FGF14: variants seen among roughly 807,000 people sequenced by gnomAD.
FGF14 encodes the protein fibroblast growth factor 14, also known as fibroblast growth factor homologous factor 4.
Under a neutral mutation model 25.5 loss-of-function variants are expected in FGF14, and 5 were observed. The ratio of observed to expected loss-of-function variants is 0.20; its 90% CI spans 0.10 to 0.41. The LOEUF (loss-of-function observed/expected upper bound fraction) is 0.41, where lower values mean the gene tolerates loss of function less well. Ranked by LOEUF, FGF14 falls within the 10% of genes least tolerant of loss-of-function variation. The probability of loss-of-function intolerance (pLI) is 1.00; values close to 1 mark genes in which losing one functional copy is unlikely to be tolerated. For missense variants in FGF14, 222 were observed against 320.1 expected (o/e 0.69, Z 2.34); for synonymous variants, 138 against 118.3 (o/e 1.17, Z -1.08).
chr13:102,193,644 A>G (rs1321783425), intron 1 of FGF14, among the ~76,000 whole-genome samples: 2 of 152,208 alleles, frequency 1.3e-5, no homozygotes, highest in Admixed American at 1.3e-4. Context: ...TACTAAGGAA[A>G]TGCATGTCTA....
chr13:101,724,414 GGGGAACATCACACACACGGGCCTGTTGT>G, intron 4 of FGF14, among the ~76,000 whole-genome samples: 2 of 151,022 alleles, frequency 1.3e-5, no homozygotes, highest in African/African-American at 4.9e-5. Context: ...GACACAGGAA[GGGGAACATCACACACACGGGCCTGTTGT>G]GGGGTGGGGG....
intron 3 of FGF14, among the ~76,000 whole-genome samples, chr13:101,821,421 AATTT>A (rs1194129444): frequency 6.6e-6 from 1 of 152,114 alleles, no homozygotes; most frequent in Non-Finnish European, 1.5e-5. Flanking sequence ...AATATGTTGT[AATTT>A]ATTTATCCAT....
intron 1 of FGF14, among the ~76,000 whole-genome samples, chr13:102,313,437 C>T (rs370835838): frequency 1.3e-5 from 2 of 152,138 alleles, no homozygotes; most frequent in African/African-American, 2.4e-5. Context: ...AGGGCACTCT[C>T]GTCTCAGGGA....
At chr13:101,928,496 T>C (rs1263462407) in intron 1 of FGF14, among the ~76,000 whole-genome samples, 1 of 152,162 alleles carries the variant, frequency 6.6e-6, no homozygotes, top group Non-Finnish European at 1.5e-5. Context: ...TTCTCAATTT[T>C]ATTCGTTTAT....
intron 3 of FGF14, among the ~76,000 whole-genome samples, chr13:101,747,915 G>A (rs2036992776): frequency 6.6e-6 from 1 of 151,930 alleles, no homozygotes; most frequent in Non-Finnish European, 1.5e-5. Flanking sequence ...ACCACAATGA[G>A]ATATCATCTT....
intron 1 of FGF14, among the ~76,000 whole-genome samples, chr13:102,280,963 C>T (rs936877039): frequency 2.0e-5 from 3 of 152,170 alleles, no homozygotes; most frequent in Non-Finnish European, 4.4e-5. Flanking sequence ...GATACAATCT[C>T]TAGAGGAGGA....
At chr13:102,156,163 G>A (rs1430854217) in intron 1 of FGF14, among the ~76,000 whole-genome samples, 1 of 152,142 alleles carries the variant, frequency 6.6e-6, no homozygotes, top group Non-Finnish European at 1.5e-5. Flanking sequence ...ATTTTATGAG[G>A]CCAGCATCAT....
intron 1 of FGF14, among the ~76,000 whole-genome samples, chr13:102,327,076 T>C (rs563891912): frequency 6.6e-6 from 1 of 152,320 alleles, no homozygotes; most frequent in East Asian, 1.9e-4. Flanking sequence ...CCAGCAACTA[T>C]GATCACAGTT....
intron 1 of FGF14, among the ~76,000 whole-genome samples, chr13:102,211,578 G>C (rs537281713): frequency 6.2e-4 from 94 of 152,266 alleles, no homozygotes; most frequent in African/African-American, 2.1e-3. Flanking sequence ...TCCCTGCTTA[G>C]TACATCTTTT....
intron 3 of FGF14, among the ~76,000 whole-genome samples, chr13:101,789,995 G>A (rs189245112): frequency 4.6e-5 from 7 of 151,016 alleles, no homozygotes; most frequent in Non-Finnish European, 8.9e-5. Context: ...CCTTGCTTTT[G>A]GTCTTCAACC....
intron 1 of FGF14, among the ~76,000 whole-genome samples, chr13:102,230,755 C>T (rs1453910384): frequency 6.6e-6 from 1 of 152,084 alleles, no homozygotes; most frequent in Non-Finnish European, 1.5e-5. Flanking sequence ...AGATGGAAAC[C>T]CTCTGAGCAT....
At chr13:102,161,611 AAGAAGAAGAAGAAGAAGAAGAAGAAG>A (rs2047688518) in intron 1 of FGF14, among the ~76,000 whole-genome samples, 7 of 4,408 alleles carry the variant, frequency 1.6e-3, no homozygotes, top group Non-Finnish European at 1.4e-3. Flanking sequence ...GAAGAAGAAG[AAGAAGAAGAAGAAGAAGAAGAAGAAG>A]AAGAAGAAGA....
At chr13:101,789,496 A>T (rs1429934035) in intron 3 of FGF14, among the ~76,000 whole-genome samples, 1 of 152,134 alleles carries the variant, frequency 6.6e-6, no homozygotes, top group Non-Finnish European at 1.5e-5. Context: ...GCTAAATTAG[A>T]TCCTCTTTTT....
intron 1 of FGF14, among the ~76,000 whole-genome samples, chr13:102,084,302 C>T (rs899190076): frequency 6.6e-6 from 1 of 152,120 alleles, no homozygotes; most frequent in African/African-American, 2.4e-5. Flanking sequence ...ACTAGAATAT[C>T]AACTCCATTT....
At chr13:102,165,199 AC>A (rs2047944944) in intron 1 of FGF14, among the ~76,000 whole-genome samples, 1 of 152,042 alleles carries the variant, frequency 6.6e-6, no homozygotes, top group Non-Finnish European at 1.5e-5. Context: ...AAATAGGAAC[AC>A]TTTTACACTG....
intron 1 of FGF14, among the ~76,000 whole-genome samples, chr13:102,276,376 T>C (rs1009286349): frequency 9.7e-5 from 11 of 113,520 alleles, no homozygotes; most frequent in African/African-American, 3.2e-4. Context: ...TATATATATA[T>C]ATATACACAT....
chr13:102,334,381 T>C (rs1028080013), intron 1 of FGF14, among the ~76,000 whole-genome samples: 1 of 152,214 alleles, frequency 6.6e-6, no homozygotes, highest in Non-Finnish European at 1.5e-5. Flanking sequence ...ATGTTCAGCA[T>C]TAGCCTGATG....
At chr13:101,834,588 C>T (rs1224600651) in intron 3 of FGF14, among the ~76,000 whole-genome samples, 1 of 151,974 alleles carries the variant, frequency 6.6e-6, no homozygotes, top group African/African-American at 2.4e-5. Flanking sequence ...AACAGGATTT[C>T]AAAGGGAGAC....
At chr13:102,069,862 C>A (rs1312160619) in intron 1 of FGF14, among the ~76,000 whole-genome samples, 2 of 152,190 alleles carry the variant, frequency 1.3e-5, no homozygotes, top group African/African-American at 4.8e-5. Context: ...AATCCCAGCA[C>A]TTTGGGAGGC....
Sources: allele counts gnomAD v4.1 joint callset (sites outside exome capture counted in the v4.1 genomes callset), GRCh38; gene constraint gnomAD v4.1.1; transcripts MANE v1.5; gene names NCBI Gene and HGNC (gene_info 2026-07-23, HGNC 2026-07-21).